The following SLC29A2 variants were observed in gnomAD, a reference collection of about 807,000 sequenced individuals.
SLC29A2 encodes solute carrier family 29 member 2, also known as equilibrative nucleoside transporter 2.
Under a neutral mutation model 48.8 loss-of-function variants are expected in SLC29A2, and 37 were observed. The observed-to-expected ratio is 0.76, with a 90% CI of 0.58 to 1.00. The LOEUF (loss-of-function observed/expected upper bound fraction) is 1.00. Among genes scored for constraint, SLC29A2 ranks in the 50% least tolerant of loss-of-function variants. The probability of loss-of-function intolerance (pLI) is 0.00; values close to 1 mark genes in which losing one functional copy is unlikely to be tolerated. For synonymous variants in SLC29A2, 233 were observed against 261.7 expected, an observed-to-expected ratio of 0.89 and a Z score of 1.06; for missense variants, 533 against 578.6, an observed-to-expected ratio of 0.92 and a Z score of 0.81.
rs765398691 is a variant in SLC29A2 at position 66,369,166 on chromosome 11, C to G, written c.309G>C (p.Leu103=). 1.3e-6 allele frequency: 2 copies of G among 1,576,956 alleles called. No homozygotes were observed. Among genetic ancestry groups the G allele is most frequent in the Non-Finnish European group, 1.7e-6 (2 of 1,161,704 alleles). The change falls in exon 4 of 12, where the codon CTG becomes CTC. Residue 103 remains leucine, a synonymous_variant. Transcript: ENST00000357440. ...GGGCAAAGAGCAGCAGTATGGCCAG[C>G]AGGCTGCCCAGAATGCGCACCGTCT... is the stretch of plus-strand genomic sequence containing the variant. ...VPETVRILGS[L]LAILLLFALT...
intron 11 of SLC29A2, chr11:66,363,768 C>A: frequency 1.7e-6 from 1 of 579,040 alleles, no homozygotes; most frequent in Non-Finnish European, 3.1e-6. Context: ...TTCCAGATTC[C>A]ACAGCCTGCC....
chr11:66,367,479 C>G lies in SLC29A2; in HGVS notation c.718G>C (p.Glu240Gln). The G allele has an allele frequency of 6.2e-7, 1 of 1,614,112 alleles. No individual in the cohort carries two copies. The highest frequency in any genetic ancestry group is 8.5e-7 in the Non-Finnish European group (1 of 1,179,976). ...AQAQELETKA[E>Q]LLQSDENGIP... Reference sequence around the variant, plus strand: ...CAGGGCTTACCAGACTGGAGGAGCTCAGCTTTGGTCTCCAGCTCCTGAGCT... The same window carrying G: ...CAGGGCTTACCAGACTGGAGGAGCTGAGCTTTGGTCTCCAGCTCCTGAGCT... Residue 240 changes from glutamate to glutamine, a missense_variant, in exon 7 of 12, where the codon GAG becomes CAG. By Grantham distance (29) the Glu-to-Gln change is conservative. Transcript: ENST00000357440.
Position 66,369,370 on chromosome 11 carries a change from A to G in SLC29A2, c.274T>C (p.Cys92Arg), listed in dbSNP as rs746182289. The G allele has an allele frequency of 2.5e-6, 4 of 1,613,988 alleles. No homozygotes were observed. The highest frequency in any genetic ancestry group is 2.5e-6 in the Non-Finnish European group (3 of 1,179,916). Reference sequence around the variant, plus strand: ...CAGGAGCCAGGGCAGGCCTCTCACCACTGGTACAGGAAGGAGTTGAGGAGG... The same window carrying G: ...CAGGAGCCAGGGCAGGCCTCTCACCGCTGGTACAGGAAGGAGTTGAGGAGG... ...FTLLNSFLYQ[C>R]VPETVRILGS... The change falls in exon 3 of 12, where the codon TGC (cysteine) becomes CGC (arginine). Residue 92 changes from cysteine (C) to arginine (R), a missense_variant and splice_region_variant. Transcript: ENST00000357440.
In SLC29A2 at chr11:66,363,463, G is replaced by T. The variant is rs1204897648; in HGVS notation, c.1344C>A (p.Leu448=). ...AGAGCAGCGCCTTGAAGAGGAAGGA[G>T]AGGGAGGCTCCACAGGAAAGTCCCA... ...LALGLSCGAS[L]SFLFKALL is the part of the protein sequence containing the mutation. The change falls in exon 12 of 12, where the codon CTC becomes CTA. Residue 448 remains leucine, a synonymous_variant. Coordinates refer to ENST00000357440, the MANE Select transcript of SLC29A2 (RefSeq NM_001532.3). 6.2e-7 allele frequency: 1 copy of T among 1,613,992 alleles called. No homozygotes were observed. Among genetic ancestry groups the T allele is most frequent in the Non-Finnish European group, 8.5e-7 (1 of 1,179,942 alleles).
chr11:66,369,593 C>T, intron 2 of SLC29A2, 61 bp from the exon 3 acceptor site: 1 of 1,588,850 alleles, frequency 6.3e-7, no homozygotes, highest in Admixed American at 1.7e-5. Flanking sequence ...CTGCCTTCCC[C>T]CTCACTTGTG....
chr11:66,364,500 GTACT>G, intron 10 of SLC29A2, 76 bp from the exon 11 acceptor site: 1 of 930,242 alleles, frequency 1.1e-6, no homozygotes, highest in Non-Finnish European at 1.6e-6. Context: ...CACCCATAGA[GTACT>G]TTTTTTTTTT....
intron 7 of SLC29A2, 102 bp downstream of exon 7, chr11:66,367,361 TA>T (rs1459185472): frequency 4.3e-6 from 4 of 937,716 alleles, no homozygotes; most frequent in South Asian, 3.9e-5. Context: ...ACAAGGCTAC[TA>T]GGGGTGGGCT....
chr11:66,367,606 C>G (rs1417463844), intron 6 of SLC29A2, 58 bp from the exon 7 acceptor site: 8 of 1,578,324 alleles, frequency 5.1e-6, no homozygotes, highest in Non-Finnish European at 7.0e-6. Context: ...GTCTGGATCC[C>G]TCCCCATACC....
In SLC29A2 at chr11:66,371,699, A is replaced by G; in HGVS notation, c.-108T>C. 1 of 1,156,648 alleles carries G rather than the reference A, an allele frequency of 8.6e-7. No homozygotes were observed. Among genetic ancestry groups the G allele is most frequent in the South Asian group, 1.4e-5 (1 of 69,894 alleles). 71.6% of individuals were successfully genotyped at this position (1,156,648 alleles called of 1,614,324 possible). A position where few individuals can be genotyped will look rare whatever the true frequency, so the allele number is the denominator to read the frequency against. On this transcript the variant is annotated 5_prime_UTR_variant, in exon 1 of 12. Transcript: ENST00000357440. ...GGTGGGGCGGGGGGCGGGTCTCCCCAGATTCCGGTGCAGGGCGGCTGGAGT... is the reference window on the plus strand; with the variant it reads ...GGTGGGGCGGGGGGCGGGTCTCCCCGGATTCCGGTGCAGGGCGGCTGGAGT...
intron 7 of SLC29A2, 107 bp from the exon 8 acceptor site, chr11:66,366,671 T>G: frequency 7.7e-7 from 1 of 1,306,666 alleles, no homozygotes; most frequent in East Asian, 2.4e-5. Flanking sequence ...GATCCTCAGC[T>G]CAGCATGGTG....
chr11:66,366,316 A>G, intron 8 of SLC29A2, 85 bp from the exon 9 acceptor site: 2 of 1,600,448 alleles, frequency 1.2e-6, no homozygotes, highest in Admixed American at 1.7e-5. Context: ...GGAGCAGGAC[A>G]CTTGGGGCCT....
At position 66,365,826 on chromosome 11, in the gene SLC29A2, G is replaced by A. The variant is rs1039560502; in HGVS notation, c.1059+110C>T. ...GCTCCCTGCTGCTTGGCCAGTGGTT[G>A]CATTACCAGGCCATTTGGACTACCA... is the stretch of plus-strand genomic sequence containing the variant. On this transcript the variant is annotated intron_variant, in intron 10 of 11. Coordinates refer to ENST00000357440, the MANE Select transcript of SLC29A2 (RefSeq NM_001532.3). 4.9e-6 allele frequency: 5 copies of A among 1,026,760 alleles called. No individual in the cohort carries two copies. The African/African-American group carries it at 6.3e-5, about 13-fold the overall frequency. 63.6% of individuals were successfully genotyped at this position (1,026,760 alleles called of 1,614,324 possible). A position where few individuals can be genotyped will look rare whatever the true frequency, so the allele number is the denominator to read the frequency against.
intron 10 of SLC29A2, among the ~76,000 whole-genome samples, chr11:66,365,126 C>T (rs1193767393): frequency 6.6e-6 from 1 of 151,748 alleles, no homozygotes; most frequent in Non-Finnish European, 1.5e-5. Context: ...AGGCTGGTCT[C>T]GAACTCCTGA....
At chr11:66,368,156 C>T (rs1440587009) in intron 5 of SLC29A2, among the ~76,000 whole-genome samples, 5 of 152,186 alleles carry the variant, frequency 3.3e-5, no homozygotes, top group East Asian at 1.9e-4. Flanking sequence ...CCAATCACGT[C>T]GGTGGGGAAG....
intron 2 of SLC29A2, among the ~76,000 whole-genome samples, chr11:66,370,858 CAAAAAA>C (rs35962792): frequency 3.3e-5 from 3 of 92,242 alleles, no homozygotes; most frequent in Non-Finnish European, 4.3e-5. Flanking sequence ...GACTCTGTCT[CAAAAAA>C]AAAAAAAAAA....
At chr11:66,363,894 T>C (rs141399347) in intron 11 of SLC29A2, 312 of 504,518 alleles carry the variant, frequency 6.2e-4, no homozygotes, top group African/African-American at 5.4e-3. Context: ...AAACCTTAGC[T>C]CTCCTTCAAC....
intron 2 of SLC29A2, among the ~76,000 whole-genome samples, chr11:66,370,858 C>CAAA (rs35962792): frequency 3.9e-4 from 36 of 92,150 alleles, no homozygotes; most frequent in African/African-American, 5.5e-4. Flanking sequence ...GACTCTGTCT[C>CAAA]AAAAAAAAAA....
rs1014333684 is a variant in SLC29A2 at position 66,371,651 on chromosome 11, G to A, written c.-60C>T. The A allele has an allele frequency of 6.6e-7, 1 of 1,515,852 alleles. No homozygotes were observed. 93.9% of individuals were successfully genotyped at this position (1,515,852 alleles called of 1,614,324 possible). ...GCAGAGAAGCCGCACCTGCACCTGC[G>A]CTGGGGCGGAGGGCCGCAGACCGGT... On this transcript the variant is annotated 5_prime_UTR_variant, in exon 1 of 12. Coordinates refer to ENST00000357440, the MANE Select transcript of SLC29A2 (RefSeq NM_001532.3).
chr11:66,366,707 T>G, intron 7 of SLC29A2, 143 bp from the exon 8 acceptor site: 1 of 905,736 alleles, frequency 1.1e-6, no homozygotes, highest in East Asian at 2.6e-5. Context: ...CCCAACATTT[T>G]GGAAGGCCGA....
Sources: gnomAD v4.1 joint callset for allele counts (sites outside exome capture counted in the v4.1 genomes callset) on GRCh38, gnomAD v4.1.1 for gene constraint, MANE v1.5 for transcripts, NCBI Gene and HGNC (gene_info 2026-07-23, HGNC 2026-07-21) for gene names.